The following STT3A variants were observed in gnomAD, a reference collection of about 807,000 sequenced individuals.
STT3A encodes STT3 oligosaccharyltransferase complex catalytic subunit A, also known as dolichyl-diphosphooligosaccharide--protein glycosyltransferase subunit STT3A.
Under a neutral mutation model 89.2 loss-of-function variants are expected in STT3A, and 34 were observed. That is an observed-to-expected ratio of 0.38 (90% CI 0.29 to 0.51). STT3A has a LOEUF of 0.51. Ranked by LOEUF, STT3A falls within the 20% of genes least tolerant of loss-of-function variation. STT3A has a pLI of 0.89. For missense variants in STT3A, 555 were observed against 889.5 expected (o/e 0.62, Z 4.78); for synonymous variants, 282 against 310.3 (o/e 0.91, Z 0.96).
intron 11 of STT3A, among the ~76,000 whole-genome samples, chr11:125,612,238 A>G (rs545330325): frequency 1.5e-3 from 236 of 152,308 alleles, no homozygotes; most frequent in Non-Finnish European, 2.6e-3. Flanking sequence ...TACTAGGTAA[A>G]TGGTTGTTAA....
At chr11:125,595,191 AGAG>A (rs961173687) in intron 1 of STT3A, among the ~76,000 whole-genome samples, 1 of 147,382 alleles carries the variant, frequency 6.8e-6, no homozygotes, top group African/African-American at 2.5e-5. Flanking sequence ...CTTTTTAAAG[AGAG>A]GAGGTCTGGC....
chr11:125,619,987 G>T, intron 16 of STT3A, 24 bp from the exon 17 acceptor site: 1 of 1,584,006 alleles, frequency 6.3e-7, no homozygotes, highest in Non-Finnish European at 8.7e-7. Context: ...AGAAAGAAGT[G>T]TGTTCTTTTT....
chr11:125,608,315 C>G, intron 9 of STT3A, 26 bp downstream of exon 9: 1 of 1,557,576 alleles, frequency 6.4e-7, no homozygotes, highest in Non-Finnish European at 8.6e-7. Flanking sequence ...AGCTTTTTTC[C>G]TTTTTTCTTT....
At chr11:125,593,625 G>A (rs1939387326) in intron 1 of STT3A, 1 of 152,224 alleles carries the variant, frequency 6.6e-6, no homozygotes, top group Non-Finnish European at 1.5e-5. Flanking sequence ...TGTTAAGTTT[G>A]TTCCTATTTC....
intron 10 of STT3A, chr11:125,609,895 C>A (rs990344597): frequency 2.7e-5 from 8 of 297,848 alleles, no homozygotes. Flanking sequence ...CTGTCGTACT[C>A]CTTCCCCTTT....
intron 17 of STT3A, 115 bp downstream of exon 17, chr11:125,620,241 C>A: frequency 2.6e-6 from 2 of 775,008 alleles, no homozygotes; most frequent in Admixed American, 2.9e-5. Context: ...GACACCTGTG[C>A]TTGAAAAGTA....
Position 125,595,972 on chromosome 11 carries a change from G to C in STT3A, c.57G>C (p.Lys19Asn). The change falls in exon 2 of 18, where the codon AAG (lysine) becomes AAC (asparagine). Residue 19 changes from lysine to asparagine, a missense_variant. Physicochemically the swap from Lys to Asn is moderately conservative, Grantham distance 94. This residue lies in a region of STT3A where 129 missense variants were observed against 193.2 expected (regional missense o/e 0.67). Transcript: ENST00000392708. ...LSYEKQDTLLKLLILSMAAVL... is the reference protein window; with the variant it reads ...LSYEKQDTLLNLLILSMAAVL... ...ATGAGAAGCAGGACACACTTTTGAA[G>C]CTTCTCATTCTGTCAATGGCTGCTG... is the stretch of plus-strand genomic sequence containing the variant. 1 of 1,613,980 alleles carries C rather than the reference G, an allele frequency of 6.2e-7. No individual in the cohort carries two copies. Among genetic ancestry groups the C allele is most frequent in the African/African-American group, 1.3e-5 (1 of 75,044 alleles).
chr11:125,612,624 G>A lies in STT3A; in HGVS notation c.1242G>A (p.Met414Ile). 3 of 1,614,180 alleles carry A rather than the reference G, an allele frequency of 1.9e-6. No individual in the cohort carries two copies. The highest frequency in any genetic ancestry group is 2.5e-6 in the Non-Finnish European group (3 of 1,180,038). ...TAATGCTAGTGTTGGCACCTGTTAT[G>A]TGCATTCTCTCTGGCATTGGAGTCT... ...VRLMLVLAPV[M>I]CILSGIGVSQ... is the part of the protein sequence containing the mutation. The change falls in exon 12 of 18, where the codon ATG (methionine) becomes ATA (isoleucine). Residue 414 changes from methionine to isoleucine, a missense_variant. Coordinates refer to ENST00000392708, the MANE Select transcript of STT3A (RefSeq NM_152713.5).
Position 125,592,910 on chromosome 11 carries a change from G to C in STT3A, c.-44G>C. The C allele has an allele frequency of 5.7e-6, 1 of 176,718 alleles. No individual in the cohort carries two copies. Among genetic ancestry groups the C allele is most frequent in the Non-Finnish European group, 1.2e-5 (1 of 80,896 alleles). The allele number at this position is 176,718 out of a possible 1,614,324, so 10.9% of individuals were successfully genotyped here. On this transcript the variant is annotated 5_prime_UTR_variant, in exon 1 of 18. Transcript: ENST00000392708. ...GGAGCCCCGCGGATCGTTTAGGAAA[G>C]CCGGCCAGGTGAGAAGGCCGTAGAA...
Position 125,602,434 on chromosome 11 carries a change from C to T in STT3A, c.271+10C>T, listed in dbSNP as rs753439750. On this transcript the variant is annotated intron_variant, in intron 4 of 17. Transcript: ENST00000392708. ...GGAACAATTTACCCAGGTGAGGAGA[C>T]CAGATGTGTTTTTTTTTTTAAAAAA... The T allele has an allele frequency of 3.2e-6, 5 of 1,563,086 alleles. No individual in the cohort carries two copies. The highest frequency in any genetic ancestry group is 1.2e-5 in the South Asian group (1 of 82,264).
Position 125,613,903 on chromosome 11 carries a change from A to G in STT3A, c.1555-184A>G. On this transcript the variant is annotated intron_variant, in intron 13 of 17. Coordinates refer to ENST00000392708, the MANE Select transcript of STT3A (RefSeq NM_152713.5). The surrounding 1 kb of genome is among the most constrained non-coding windows in gnomAD (Gnocchi z 4.2). Reference sequence around the variant, plus strand: ...TTGTTATTTGTGCTGAGATTTTATAATTGTATATAAATGGAAGACCAGGTG... The same window carrying G: ...TTGTTATTTGTGCTGAGATTTTATAGTTGTATATAAATGGAAGACCAGGTG... 3.5e-6 allele frequency: 2 copies of G among 575,494 alleles called. No individual in the cohort carries two copies. Among genetic ancestry groups the G allele is most frequent in the Non-Finnish European group, 6.3e-6 (2 of 319,500 alleles). 35.6% of individuals were successfully genotyped at this position (575,494 alleles called of 1,614,324 possible).
At chr11:125,601,875 T>C (rs116855567) in intron 3 of STT3A, among the ~76,000 whole-genome samples, 7,099 of 152,118 alleles carry the variant, frequency 0.047, 207 homozygotes, top group Middle Eastern at 0.085. Context: ...CTCGGCTCAC[T>C]GTAACCTCTG....
At chr11:125,606,983 T>C (rs1939859477) in intron 8 of STT3A, among the ~76,000 whole-genome samples, 1 of 152,234 alleles carries the variant, frequency 6.6e-6, no homozygotes, top group Non-Finnish European at 1.5e-5. Flanking sequence ...AACAAGTATT[T>C]CTTTACTGAT....
intron 1 of STT3A, among the ~76,000 whole-genome samples, chr11:125,595,472 G>A (rs188827058): frequency 2.0e-5 from 3 of 151,432 alleles, no homozygotes; most frequent in Non-Finnish European, 4.4e-5. Flanking sequence ...CCCCCCCTCC[G>A]CCCCTGCCAC....
At position 125,605,662 on chromosome 11, in the gene STT3A, A is replaced by G. The variant is rs1363513535; in HGVS notation, c.542A>G (p.Tyr181Cys). The part of the protein sequence containing the change: ...IAIFCMLLTY[Y>C]MWIKAVKTGS... ...ATCTTTTGCATGCTACTCACCTACT[A>G]CATGTGGATCAAGGCAGTAAAGACT... The change falls in exon 7 of 18, where the codon TAC becomes TGC. Residue 181 changes from tyrosine (Y) to cysteine (C), a missense_variant. Tyr to Cys is a radical substitution (Grantham distance 194). Around this residue, in one of 5 missense-constraint regions of STT3A, gnomAD observed 149 missense variants for 206.2 expected, o/e 0.72. Coordinates refer to ENST00000392708, the MANE Select transcript of STT3A (RefSeq NM_152713.5). The G allele has an allele frequency of 1.2e-6, 2 of 1,613,910 alleles. No homozygotes were observed. The highest frequency in any genetic ancestry group is 1.7e-6 in the Non-Finnish European group (2 of 1,179,998).
At chr11:125,592,173 TA>T (rs1939315841), upstream of STT3A, among the ~76,000 whole-genome samples, 1 of 152,112 alleles carries the variant, frequency 6.6e-6, no homozygotes, top group Non-Finnish European at 1.5e-5. Context: ...GCTTCCAGCT[TA>T]GCCCCGACAA....
At chr11:125,601,632 A>T (rs1939682690) in intron 3 of STT3A, among the ~76,000 whole-genome samples, 1 of 152,044 alleles carries the variant, frequency 6.6e-6, no homozygotes, top group South Asian at 2.1e-4. Flanking sequence ...TCAAAAAAAA[A>T]AATAAATAAG....
chr11:125,611,260 G>A (rs1169701778), intron 10 of STT3A, 168 bp from the exon 11 acceptor site: 6 of 568,156 alleles, frequency 1.1e-5, no homozygotes, highest in African/African-American at 1.9e-5. Context: ...GTGTGCTGTA[G>A]TAAACATCTT....
In STT3A at chr11:125,595,734, C is replaced by T. The variant is rs972309673; in HGVS notation, c.-35-147C>T. On this transcript the variant is annotated intron_variant, in intron 1 of 17. Transcript: ENST00000392708. Reference sequence around the variant, plus strand: ...CTTGCAAGTTGATCATACTTTAGGCCAGGCTTGGATACTAGTATTAGCCTT... The same window carrying T: ...CTTGCAAGTTGATCATACTTTAGGCTAGGCTTGGATACTAGTATTAGCCTT... The T allele has an allele frequency of 7.0e-6, 4 of 568,018 alleles. 1 individual carries two copies. In the South Asian group the frequency reaches 9.1e-5, roughly 13 times the overall value. 35.2% of individuals were successfully genotyped at this position (568,018 alleles called of 1,614,324 possible). A position where few individuals can be genotyped will look rare whatever the true frequency, so the allele number is the denominator to read the frequency against.
Sources: gnomAD v4.1 joint callset for allele counts (sites outside exome capture counted in the v4.1 genomes callset) on GRCh38, gnomAD v4.1.1 for gene constraint, gnomAD v4.1.1 regional missense constraint, Gnocchi (gnomAD v3.1) non-coding constraint, MANE v1.5 for transcripts, NCBI Gene and HGNC (gene_info 2026-07-23, HGNC 2026-07-21) for gene names.